The following TGFBR3 variants were observed in gnomAD, a reference collection of about 807,000 sequenced individuals.
TGFBR3 encodes the protein transforming growth factor beta receptor 3, also known as transforming growth factor beta receptor type 3.
A neutral mutation model predicts 87.9 loss-of-function variants in TGFBR3; 46 were observed. The observed-to-expected ratio is 0.52, with a 90% CI of 0.41 to 0.67. The LOEUF (loss-of-function observed/expected upper bound fraction) is 0.67. TGFBR3 is among the 30% of genes least tolerant of loss of function. TGFBR3 has a pLI of 0.00. For missense variants in TGFBR3, 866 were observed against 1,041.9 expected (o/e 0.83, Z 2.32); for synonymous variants, 381 against 391.6 (o/e 0.97, Z 0.32).
chr1:91,837,608 A>G (rs769260311), intron 2 of TGFBR3, among the ~76,000 whole-genome samples: 14 of 152,208 alleles, frequency 9.2e-5, no homozygotes, highest in Non-Finnish European at 1.5e-4. Context: ...GTATATTTAG[A>G]ACCCATTAAC....
intron 3 of TGFBR3, among the ~76,000 whole-genome samples, chr1:91,767,760 A>G (rs1370457544): frequency 6.6e-6 from 1 of 151,578 alleles, no homozygotes; most frequent in African/African-American, 2.4e-5. Flanking sequence ...GCTCTATAGC[A>G]GTAAGAGGCA....
At chr1:91,898,498 G>A (rs1570348087) in intron 2 of TGFBR3, among the ~76,000 whole-genome samples, 1 of 151,958 alleles carries the variant, frequency 6.6e-6, no homozygotes, top group South Asian at 2.1e-4. Flanking sequence ...GTGCAGTGGC[G>A]CGATCTCGGC....
intron 2 of TGFBR3, among the ~76,000 whole-genome samples, chr1:91,834,341 AT>A (rs1460415239): frequency 6.6e-6 from 1 of 152,226 alleles, no homozygotes; most frequent in African/African-American, 2.4e-5. Context: ...CTCTTTATGT[AT>A]TTGAAAATTG....
At chr1:91,684,771 G>A (rs993603971) in intron 16 of TGFBR3, among the ~76,000 whole-genome samples, 1 of 152,158 alleles carries the variant, frequency 6.6e-6, no homozygotes, top group African/African-American at 2.4e-5. Context: ...GTAGGGAAAA[G>A]CGATCAGGGC....
chr1:91,785,821 G>A (rs955723207), intron 3 of TGFBR3, among the ~76,000 whole-genome samples: 2 of 150,080 alleles, frequency 1.3e-5, no homozygotes, highest in African/African-American at 4.9e-5. Context: ...AGGTTGGAGT[G>A]CAGTGGCGCG....
intron 2 of TGFBR3, among the ~76,000 whole-genome samples, chr1:91,898,265 T>C (rs1481212898): frequency 6.6e-6 from 1 of 152,140 alleles, no homozygotes; most frequent in Non-Finnish European, 1.5e-5. Flanking sequence ...TGTCTGTGTG[T>C]GTGCATTTAA....
intron 2 of TGFBR3, among the ~76,000 whole-genome samples, chr1:91,837,673 T>C (rs1677112063): frequency 6.6e-6 from 1 of 152,224 alleles, no homozygotes; most frequent in Non-Finnish European, 1.5e-5. Context: ...TTTACACATA[T>C]ACATTAGAGC....
At chr1:91,853,116 G>A (rs1021716429) in intron 2 of TGFBR3, among the ~76,000 whole-genome samples, 2 of 151,484 alleles carry the variant, frequency 1.3e-5, no homozygotes, top group Non-Finnish European at 2.9e-5. Context: ...CCATGATCGC[G>A]CCACTGCACT....
At chr1:91,859,034 GAC>G (rs1678075140) in intron 2 of TGFBR3, among the ~76,000 whole-genome samples, 1 of 150,120 alleles carries the variant, frequency 6.7e-6, no homozygotes, top group South Asian at 2.1e-4. Context: ...CAGCCTGGGT[GAC>G]ACACAGAGCG....
intron 14 of TGFBR3, among the ~76,000 whole-genome samples, chr1:91,699,228 GC>G (rs1671537083): frequency 1.3e-5 from 2 of 151,870 alleles, no homozygotes; most frequent in South Asian, 4.2e-4. Context: ...TTGTCATCAT[GC>G]TTTGCAAGCC....
At chr1:91,749,660 A>C (rs989347194) in intron 4 of TGFBR3, among the ~76,000 whole-genome samples, 14 of 152,092 alleles carry the variant, frequency 9.2e-5, no homozygotes, top group African/African-American at 3.4e-4. Flanking sequence ...TTGCTTTCTG[A>C]GATGGAGAGT....
At chr1:91,687,190 C>T (rs1005053047) in intron 16 of TGFBR3, among the ~76,000 whole-genome samples, 5 of 152,118 alleles carry the variant, frequency 3.3e-5, no homozygotes, top group Admixed American at 1.3e-4. Flanking sequence ...AAGCCAGGTG[C>T]AGTCACTTAC....
intron 7 of TGFBR3, among the ~76,000 whole-genome samples, chr1:91,727,019 T>C (rs1344296070): frequency 6.6e-6 from 1 of 152,228 alleles, no homozygotes; most frequent in African/African-American, 2.4e-5. Context: ...GGGCTAAGCC[T>C]TGTGCGTACA....
At chr1:91,839,326 TACA>T (rs1219575806) in intron 2 of TGFBR3, among the ~76,000 whole-genome samples, 1 of 152,222 alleles carries the variant, frequency 6.6e-6, no homozygotes. Context: ...TCTTTACTAT[TACA>T]CCTAAACTCA....
intron 3 of TGFBR3, 64 bp from the exon 4 acceptor site, chr1:91,758,814 C>A (rs2100895575): frequency 6.2e-7 from 1 of 1,606,448 alleles, no homozygotes; most frequent in Non-Finnish European, 8.5e-7. Context: ...TCACTCAGAG[C>A]AGCCTCTGGA....
chr1:91,830,935 C>G (rs1676840185), intron 2 of TGFBR3, among the ~76,000 whole-genome samples: 1 of 152,170 alleles, frequency 6.6e-6, no homozygotes, highest in African/African-American at 2.4e-5. Context: ...TCACCACCCC[C>G]ATAGCAGGAA....
intron 3 of TGFBR3, among the ~76,000 whole-genome samples, chr1:91,775,667 T>C (rs1674542870): frequency 6.6e-6 from 1 of 152,234 alleles, no homozygotes; most frequent in South Asian, 2.1e-4. Flanking sequence ...GAATATCTCC[T>C]GGGCACTTCT....
chr1:91,780,969 G>A (rs1674748198), intron 3 of TGFBR3, among the ~76,000 whole-genome samples: 1 of 151,582 alleles, frequency 6.6e-6, no homozygotes, highest in Non-Finnish European at 1.5e-5. Context: ...CCATCAGCTG[G>A]AGAGCTCTGG....
chr1:91,805,443 C>G (rs1202813608), intron 2 of TGFBR3, among the ~76,000 whole-genome samples: 1 of 152,216 alleles, frequency 6.6e-6, no homozygotes, highest in African/African-American at 2.4e-5. Flanking sequence ...TCTCCTCGGC[C>G]ACCAGCACAG....
Sources: gnomAD v4.1 joint callset for allele counts (sites outside exome capture counted in the v4.1 genomes callset) on GRCh38, gnomAD v4.1.1 for gene constraint, MANE v1.5 for transcripts, NCBI Gene and HGNC (gene_info 2026-07-23, HGNC 2026-07-21) for gene names.